The following SNX24 variants were observed in gnomAD, a reference collection of about 807,000 sequenced individuals.
SNX24 encodes sorting nexin-24.
In SNX24, 22 loss-of-function variants were observed where a neutral mutation model predicts 28.7. The ratio of observed to expected loss-of-function variants is 0.77; its 90% CI spans 0.55 to 1.10. The LOEUF is 1.10. Among genes scored for constraint, SNX24 ranks in the 50% least tolerant of loss-of-function variants. The pLI, the probability that SNX24 is intolerant of heterozygous loss-of-function variation, is 0.00. For synonymous variants in SNX24, 69 were observed against 71.5 expected, an observed-to-expected ratio of 0.96 and a Z score of 0.18; for missense variants, 221 against 201.1, an observed-to-expected ratio of 1.10 and a Z score of -0.60.
At chr5:122,958,391 T>A (rs1340596149) in intron 3 of SNX24, among the ~76,000 whole-genome samples, 4 of 152,114 alleles carry the variant, frequency 2.6e-5, no homozygotes, top group Non-Finnish European at 5.9e-5. Context: ...GTAGCTGGGA[T>A]TACAGGCACC....
chr5:122,872,245 A>G (rs1756011889), intron 1 of SNX24, among the ~76,000 whole-genome samples: 3 of 151,846 alleles, frequency 2.0e-5, no homozygotes, highest in Admixed American at 2.0e-4. Flanking sequence ...TAACATCTCT[A>G]GTGTCCCAGC....
rs981792493 is a variant in SNX24, at chr5:122,865,488, G to T, written c.60+19795G>T. Among the ~76,000 whole-genome samples the T allele has an allele frequency of 8.0e-4, 122 of 152,002 alleles. 1 individual carries two copies. The highest frequency in any genetic ancestry group is 3.3e-4 in the Admixed American group (5 of 15,248). On this transcript the variant is annotated intron_variant, in intron 1 of 6. Coordinates refer to ENST00000261369, the MANE Select transcript of SNX24 (RefSeq NM_014035.4). ...TGGGATTACAGGTGCACACCACCAT[G>T]CCCGGCTAATTTTTGTATTTTTAGT...
chr5:122,877,202 T>G (rs1756263781), intron 1 of SNX24, among the ~76,000 whole-genome samples: 2 of 152,100 alleles, frequency 1.3e-5, no homozygotes, highest in Non-Finnish European at 2.9e-5. Flanking sequence ...TCACTGACAT[T>G]ACTCAAGCAG....
At chr5:122,891,041 G>T in intron 1 of SNX24, 1 of 1,522,478 alleles carries the variant, frequency 6.6e-7, no homozygotes, top group Non-Finnish European at 8.8e-7. Flanking sequence ...TAATAGTTTG[G>T]CATAGAGCCT....
At chr5:122,901,678 A>G (rs1757455165) in intron 1 of SNX24, among the ~76,000 whole-genome samples, 1 of 152,122 alleles carries the variant, frequency 6.6e-6, no homozygotes, top group Non-Finnish European at 1.5e-5. Flanking sequence ...GACTTTACAG[A>G]TTGATCTTAC....
At chr5:122,929,260 C>T (rs1327699595) in intron 1 of SNX24, among the ~76,000 whole-genome samples, 1 of 152,138 alleles carries the variant, frequency 6.6e-6, no homozygotes, top group Admixed American at 6.5e-5. Flanking sequence ...CATGCTCTGC[C>T]CACAGTGCTT....
At chr5:122,865,367 G>C (rs1373728897) in intron 1 of SNX24, among the ~76,000 whole-genome samples, 3 of 152,252 alleles carry the variant, frequency 2.0e-5, no homozygotes, top group South Asian at 2.1e-4. Context: ...ATCTTGCTCT[G>C]TTGCCCAGGC....
At chr5:122,929,540 T>C (rs940345146) in intron 1 of SNX24, among the ~76,000 whole-genome samples, 2 of 152,202 alleles carry the variant, frequency 1.3e-5, no homozygotes, top group Non-Finnish European at 2.9e-5. Flanking sequence ...TCTTTTCTTA[T>C]TATTCTGTAA....
intron 3 of SNX24, among the ~76,000 whole-genome samples, chr5:122,996,269 G>C (rs1392976023): frequency 6.6e-6 from 1 of 152,282 alleles, no homozygotes; most frequent in South Asian, 2.1e-4. Context: ...GTGTCCTTTG[G>C]GGAGCTGGCA....
At chr5:122,907,471 G>C (rs572775559) in intron 1 of SNX24, among the ~76,000 whole-genome samples, 5 of 152,172 alleles carry the variant, frequency 3.3e-5, no homozygotes, top group African/African-American at 1.2e-4. Context: ...TTTCACCTAG[G>C]AGTCACGGGG....
intron 1 of SNX24, among the ~76,000 whole-genome samples, chr5:122,902,480 G>A (rs1561570528): frequency 6.6e-6 from 1 of 152,290 alleles, no homozygotes; most frequent in East Asian, 1.9e-4. Flanking sequence ...CTTGCAAAAA[G>A]CATGCAGTTT....
intron 3 of SNX24, among the ~76,000 whole-genome samples, chr5:122,969,544 G>A (rs1423408394): frequency 2.6e-5 from 4 of 152,144 alleles, no homozygotes. Context: ...GCAGGATTCA[G>A]GATGAAATCG....
intron 1 of SNX24, among the ~76,000 whole-genome samples, chr5:122,876,702 C>T (rs1205926235): frequency 2.6e-5 from 4 of 152,036 alleles, no homozygotes; most frequent in Non-Finnish European, 5.9e-5. Context: ...ATAATGAATG[C>T]CCTATGGTAA....
At chr5:122,879,456 A>G (rs775868108) in intron 1 of SNX24, among the ~76,000 whole-genome samples, 19 of 152,168 alleles carry the variant, frequency 1.2e-4, no homozygotes, top group Non-Finnish European at 1.9e-4. Flanking sequence ...GTTTCAGCTC[A>G]GTTGAGGAAT....
At chr5:122,846,845 T>G (rs1581660149) in intron 1 of SNX24, among the ~76,000 whole-genome samples, 1 of 152,262 alleles carries the variant, frequency 6.6e-6, no homozygotes, top group East Asian at 1.9e-4. Context: ...GGAGCTGTGT[T>G]CCATAGTGGT....
At chr5:122,944,683 A>G (rs1435878171) in intron 2 of SNX24, among the ~76,000 whole-genome samples, 2 of 152,154 alleles carry the variant, frequency 1.3e-5, no homozygotes, top group Non-Finnish European at 2.9e-5. Flanking sequence ...TCTACCTCAG[A>G]GGCAAAGGTG....
At chr5:122,947,088 A>C (rs1053159897) in intron 3 of SNX24, among the ~76,000 whole-genome samples, 9 of 152,208 alleles carry the variant, frequency 5.9e-5, no homozygotes, top group African/African-American at 1.7e-4. Context: ...CTCTTAAAAC[A>C]AAAGAGCTGG....
intron 1 of SNX24, among the ~76,000 whole-genome samples, chr5:122,902,920 A>G (rs564375747): frequency 3.3e-5 from 5 of 152,078 alleles, no homozygotes; most frequent in Non-Finnish European, 7.3e-5. Context: ...GCACAAATAT[A>G]TCATTGCAAT....
intron 5 of SNX24, among the ~76,000 whole-genome samples, chr5:123,014,277 C>T (rs756296746): frequency 1.1e-4 from 17 of 151,614 alleles, no homozygotes; most frequent in African/African-American, 3.2e-4. Flanking sequence ...AGCAATCATC[C>T]CACCTCAGCG....
Sources: gnomAD v4.1 joint callset for allele counts (sites outside exome capture counted in the v4.1 genomes callset) on GRCh38, gnomAD v4.1.1 for gene constraint, MANE v1.5 for transcripts, NCBI Gene and HGNC (gene_info 2026-07-23, HGNC 2026-07-21) for gene names.